Variants in GALNT13 observed in about 807,000 individuals in gnomAD.
GALNT13 encodes the protein UDP-GalNAc:polypeptide N-acetylgalactosaminyltransferase 13.
A neutral mutation model predicts 64.2 loss-of-function variants in GALNT13; 28 were observed. That is an observed-to-expected ratio of 0.44 (90% CI 0.32 to 0.60). The LOEUF (loss-of-function observed/expected upper bound fraction) is 0.60. GALNT13 is among the 20% of genes least tolerant of loss of function. The pLI is 0.05. For synonymous variants in GALNT13, 214 were observed against 224.6 expected (o/e 0.95, Z 0.42); for missense variants, 577 against 669.8 (o/e 0.86, Z 1.53).
At chr2:153,552,433 T>C in the GALNT13 span, among the ~76,000 whole-genome samples, 1 of 152,124 alleles carries the variant, frequency 6.6e-6, no homozygotes, top group East Asian at 1.9e-4. Flanking sequence ...TTGAATCAAA[T>C]GCACAATGTG....
the GALNT13 span, among the ~76,000 whole-genome samples, chr2:153,625,895 T>G: frequency 1.3e-5 from 2 of 152,014 alleles, no homozygotes; most frequent in African/African-American, 4.8e-5. Flanking sequence ...GTGAGAAATG[T>G]TATTGTTCAT....
the GALNT13 span, among the ~76,000 whole-genome samples, chr2:153,834,256 G>A: frequency 6.6e-6 from 1 of 152,094 alleles, no homozygotes; most frequent in African/African-American, 2.4e-5. Flanking sequence ...GAGACTGCAA[G>A]ATATGCAAAC....
At chr2:153,769,007 T>C in the GALNT13 span, among the ~76,000 whole-genome samples, 5 of 152,224 alleles carry the variant, frequency 3.3e-5, no homozygotes, top group African/African-American at 1.2e-4. Context: ...ATTACACCTG[T>C]CTCTTGTATA....
At chr2:153,302,045 A>G in the GALNT13 span, among the ~76,000 whole-genome samples, 1 of 152,048 alleles carries the variant, frequency 6.6e-6, no homozygotes, top group Non-Finnish European at 1.5e-5. Flanking sequence ...TCAATTTCTT[A>G]TTCTTTGGCT....
chr2:154,025,826 G>C (rs770013229), intron 3 of GALNT13, among the ~76,000 whole-genome samples: 4 of 152,092 alleles, frequency 2.6e-5, no homozygotes, highest in African/African-American at 4.8e-5. Flanking sequence ...TGAGGGAAAG[G>C]GGGTAAGCAA....
At chr2:153,924,603 A>G (rs1474651430) in intron 2 of GALNT13, among the ~76,000 whole-genome samples, 1 of 152,168 alleles carries the variant, frequency 6.6e-6, no homozygotes, top group Non-Finnish European at 1.5e-5. Context: ...ATCAAATGGC[A>G]TTTCTGCCTC....
At chr2:153,526,860 TAAAC>T in the GALNT13 span, among the ~76,000 whole-genome samples, 11 of 151,710 alleles carry the variant, frequency 7.3e-5, no homozygotes, top group African/African-American at 2.4e-4. Context: ...TAATTAAAAA[TAAAC>T]AAGCAGAAGT....
At chr2:154,361,084 G>T (rs1697040799) in intron 9 of GALNT13, among the ~76,000 whole-genome samples, 1 of 151,986 alleles carries the variant, frequency 6.6e-6, no homozygotes, top group Non-Finnish European at 1.5e-5. Context: ...TGCATAAATA[G>T]CCTAATTTCT....
the GALNT13 span, among the ~76,000 whole-genome samples, chr2:153,809,954 GTTTTTTGTTTTGTTTTGT>G: frequency 6.6e-6 from 1 of 151,694 alleles, no homozygotes; most frequent in East Asian, 1.9e-4. Context: ...ACATTTCTTT[GTTTTTTGTTTTGTTTTGT>G]TTTGTTTTGA....
At chr2:154,240,126 T>A (rs1689405287) in intron 4 of GALNT13, among the ~76,000 whole-genome samples, 1 of 152,188 alleles carries the variant, frequency 6.6e-6, no homozygotes, top group Non-Finnish European at 1.5e-5. Flanking sequence ...TTTTTAATAA[T>A]CTGTAATCAC....
At chr2:153,798,125 G>A in the GALNT13 span, among the ~76,000 whole-genome samples, 8 of 152,132 alleles carry the variant, frequency 5.3e-5, no homozygotes, top group Non-Finnish European at 8.8e-5. Context: ...GTCCCTATTT[G>A]ATTGAAGTCA....
At chr2:153,652,330 A>C in the GALNT13 span, among the ~76,000 whole-genome samples, 3 of 152,296 alleles carry the variant, frequency 2.0e-5, no homozygotes, top group East Asian at 5.8e-4. Flanking sequence ...TTATAAATTT[A>C]GGGGCAGAGG....
chr2:153,354,955 A>G, the GALNT13 span, among the ~76,000 whole-genome samples: 1 of 152,214 alleles, frequency 6.6e-6, no homozygotes, highest in Admixed American at 6.5e-5. Flanking sequence ...ACAGGAGTAA[A>G]GAGAACTGTT....
chr2:153,471,523 GC>G, the GALNT13 span, among the ~76,000 whole-genome samples: 1 of 152,100 alleles, frequency 6.6e-6, no homozygotes, highest in Admixed American at 6.5e-5. Context: ...CTTTTATTAA[GC>G]CCTCTAAATG....
the GALNT13 span, among the ~76,000 whole-genome samples, chr2:153,624,143 C>T: frequency 2.0e-5 from 3 of 152,020 alleles, no homozygotes; most frequent in Non-Finnish European, 2.9e-5. Flanking sequence ...TATTTGAATA[C>T]ATGATCCTTA....
intron 12 of GALNT13, chr2:154,446,432 G>A: frequency 1.1e-6 from 1 of 934,992 alleles, no homozygotes; most frequent in Non-Finnish European, 1.5e-6. Flanking sequence ...GTGGCTCACA[G>A]CTCCATGGAT....
intron 4 of GALNT13, among the ~76,000 whole-genome samples, chr2:154,182,929 C>T (rs1686043816): frequency 6.6e-6 from 1 of 152,016 alleles, no homozygotes. Context: ...ATCCAGTTTG[C>T]TGGCATTTTT....
At chr2:153,184,208 T>C in the GALNT13 span, among the ~76,000 whole-genome samples, 6 of 152,188 alleles carry the variant, frequency 3.9e-5, no homozygotes. Context: ...GCTGTATTCC[T>C]AGGTATTTTA....
the GALNT13 span, among the ~76,000 whole-genome samples, chr2:153,551,149 C>T: frequency 2.6e-5 from 4 of 152,134 alleles, no homozygotes; most frequent in Non-Finnish European, 5.9e-5. Context: ...GGAGTTTACA[C>T]ACCTGCCTTG....
Sources: gnomAD v4.1 joint callset for allele counts (sites outside exome capture counted in the v4.1 genomes callset) on GRCh38, gnomAD v4.1.1 for gene constraint, MANE v1.5 for transcripts, NCBI Gene and HGNC (gene_info 2026-07-23, HGNC 2026-07-21) for gene names.